Variants in PARP1 observed in about 807,000 individuals in gnomAD.
The protein encoded by PARP1 is poly(ADP-ribose) polymerase 1, also known as poly [ADP-ribose] polymerase 1.
In PARP1, 44 loss-of-function variants were observed where a neutral mutation model predicts 118.7. The observed-to-expected ratio is 0.37, with a 90% CI of 0.29 to 0.48. The LOEUF is 0.48. PARP1 is among the 20% of genes least tolerant of loss of function. PARP1 has a pLI of 0.99. For missense variants in PARP1, 1,100 were observed against 1,272.4 expected (o/e 0.86, Z 2.06); for synonymous variants, 492 against 483.2 (o/e 1.02, Z -0.24).
chr1:226,395,890 C>G (rs1428691292), intron 2 of PARP1, among the ~76,000 whole-genome samples: 1 of 152,138 alleles, frequency 6.6e-6, no homozygotes, highest in Admixed American at 6.5e-5. Context: ...TTCACAGAGA[C>G]AGAAGCAACA....
At chr1:226,368,611 G>A (rs959067501) in intron 15 of PARP1, among the ~76,000 whole-genome samples, 11 of 152,198 alleles carry the variant, frequency 7.2e-5, no homozygotes, top group African/African-American at 2.7e-4. Flanking sequence ...CCACAACTAT[G>A]CAAAATGTTA....
At chr1:226,402,055 C>A in intron 2 of PARP1, 159 bp downstream of exon 2, 2 of 1,551,620 alleles carry the variant, frequency 1.3e-6, no homozygotes, top group Non-Finnish European at 1.7e-6. Flanking sequence ...GATGCTGAGT[C>A]CAGGAGGTGT....
At chr1:226,392,431 G>A in intron 2 of PARP1, 117 bp from the exon 3 acceptor site, 2 of 773,858 alleles carry the variant, frequency 2.6e-6, no homozygotes, top group South Asian at 2.7e-5. Flanking sequence ...TATGCCTTGG[G>A]AGACTACGAT....
rs907987187 is a variant in PARP1 at position 226,362,969 on chromosome 1, G to A, written c.2848+130C>T. 2.7e-5 allele frequency: 20 copies of A among 738,350 alleles called. No individual in the cohort carries two copies. In the Admixed American group the frequency reaches 3.2e-4, roughly 12 times the overall value. The allele number at this position is 738,350 out of a possible 1,614,324, so 45.7% of individuals were successfully genotyped here. ...CAACAACAACGCACACACACCCCTC[G>A]AAAAGATAAAATGAATCTCCAGCTG... On this transcript the variant is annotated intron_variant, in intron 21 of 22. Coordinates refer to ENST00000366794, the MANE Select transcript of PARP1 (RefSeq NM_001618.4).
chr1:226,389,154 G>T (rs926179648), intron 4 of PARP1, among the ~76,000 whole-genome samples: 5 of 152,144 alleles, frequency 3.3e-5, no homozygotes, highest in East Asian at 1.9e-4. Context: ...CCATGGCTAG[G>T]GGGTAGGGAT....
chr1:226,368,975 T>C (rs3219117), intron 15 of PARP1, among the ~76,000 whole-genome samples: 5 of 152,232 alleles, frequency 3.3e-5, no homozygotes, highest in Admixed American at 1.3e-4. Context: ...CAAGGGAATA[T>C]GAAGTGGCAC....
chr1:226,365,742 G>A (rs1171844894), intron 18 of PARP1, among the ~76,000 whole-genome samples: 1 of 151,086 alleles, frequency 6.6e-6, no homozygotes, highest in African/African-American at 2.4e-5. Flanking sequence ...ACTCCAGCCT[G>A]GGTGATAGAG....
At chr1:226,393,644 A>T (rs1664859423) in intron 2 of PARP1, among the ~76,000 whole-genome samples, 1 of 152,226 alleles carries the variant, frequency 6.6e-6, no homozygotes, top group Non-Finnish European at 1.5e-5. Context: ...CTGAAATTCT[A>T]AATCAGGCAA....
chr1:226,365,639 C>T (rs995306924), intron 18 of PARP1, among the ~76,000 whole-genome samples: 6 of 152,018 alleles, frequency 3.9e-5, no homozygotes, highest in South Asian at 2.1e-4. Flanking sequence ...TGGTGGCTCA[C>T]GCCTGTAATC....
At chr1:226,363,223 G>T in intron 20 of PARP1, 63 bp from the exon 21 acceptor site, 1 of 1,074,150 alleles carries the variant, frequency 9.3e-7, no homozygotes, top group South Asian at 1.2e-5. Flanking sequence ...CCAACAGTTT[G>T]ATTAGGAGAA....
intron 15 of PARP1, among the ~76,000 whole-genome samples, chr1:226,368,730 G>A (rs1208579547): frequency 1.3e-5 from 2 of 151,972 alleles, no homozygotes; most frequent in South Asian, 2.1e-4. Context: ...GTTGCCCATC[G>A]CTATAAAATT....
At chr1:226,362,736 G>C (rs1891108) in intron 21 of PARP1, among the ~76,000 whole-genome samples, 1 of 151,622 alleles carries the variant, frequency 6.6e-6, no homozygotes, top group South Asian at 2.1e-4. Context: ...GCCGAAACCC[G>C]TGCATCTGGT....
In PARP1 at chr1:226,383,119, G is replaced by C. The variant is rs1638878278; in HGVS notation, c.1076C>G (p.Pro359Arg). ...GGCCGCCACGGAGGCGCTGGTTTCT[G>C]GGGGGAATATACGGTCCTGTTTTTT... ...KVKKQDRIFP[P>R]ETSASVAATP... The change falls in exon 8 of 23, where the codon CCA becomes CGA. Residue 359 changes from proline to arginine, a missense_variant. By Grantham distance (103) the Pro-to-Arg change is moderately radical (BLOSUM62 -2). This residue lies in a region of PARP1 where 948 missense variants were observed against 1,031.8 expected (regional missense o/e 0.92). Coordinates refer to ENST00000366794, the MANE Select transcript of PARP1 (RefSeq NM_001618.4). 1 of 1,612,298 alleles carries C rather than the reference G, an allele frequency of 6.2e-7. No individual in the cohort carries two copies. The highest frequency in any genetic ancestry group is 8.5e-7 in the Non-Finnish European group (1 of 1,178,936).
Position 226,386,178 on chromosome 1 carries a change from C to T in PARP1, c.834+148G>A, listed in dbSNP as rs150095918. The T allele has an allele frequency of 8.4e-5, 58 of 692,354 alleles. 2 individuals are homozygous for T. In the Admixed American group the frequency reaches 9.9e-4, roughly 12 times the overall value. The allele number at this position is 692,354 out of a possible 1,614,324, so 42.9% of individuals were successfully genotyped here. On this transcript the variant is annotated intron_variant, in intron 6 of 22. Coordinates refer to ENST00000366794, the MANE Select transcript of PARP1 (RefSeq NM_001618.4). ...TGGTGACCACGATGGTGGTGATGAC[C>T]GTGCAACACAACCACGATTTATACT...
chr1:226,372,955 TCA>T (rs1345310763), intron 14 of PARP1, among the ~76,000 whole-genome samples: 3 of 152,116 alleles, frequency 2.0e-5, no homozygotes, highest in Non-Finnish European at 2.9e-5. Context: ...AAAAGTCAGA[TCA>T]CACAGCGATT....
Position 226,382,818 on chromosome 1 carries a change from G to A in PARP1, c.1159+218C>T, listed in dbSNP as rs541006695. ...CAGGTGTGAGTCACTGCTCCCAGCC[G>A]ATGCTATGTTCTTAACACTCTCCCA... On this transcript the variant is annotated intron_variant, in intron 8 of 22. Transcript: ENST00000366794. Among the ~76,000 whole-genome samples the A allele has an allele frequency of 5.9e-5, 9 of 152,296 alleles. No individual in the cohort carries two copies. In the South Asian group the frequency reaches 1.7e-3, roughly 28 times the overall value.
At chr1:226,392,686 T>G (rs1000033) in intron 2 of PARP1, 104,560 of 535,676 alleles carry the variant, frequency 0.2, 11,730 homozygotes, top group African/African-American at 0.37. Flanking sequence ...GCTTCTAATT[T>G]CCATTATACT....
chr1:226,369,158 T>C (rs2102729429), intron 15 of PARP1, among the ~76,000 whole-genome samples: 1 of 152,356 alleles, frequency 6.6e-6, no homozygotes, highest in East Asian at 1.9e-4. Context: ...GAAAGCCTTG[T>C]AAGTTCTCAG....
intron 6 of PARP1, 22 bp downstream of exon 6, chr1:226,386,304 A>G: frequency 6.8e-7 from 1 of 1,461,998 alleles, no homozygotes; most frequent in Non-Finnish European, 9.6e-7. Context: ...TGCGTGTCCC[A>G]CTTAACACAA....
Sources: gnomAD v4.1 joint callset for allele counts (sites outside exome capture counted in the v4.1 genomes callset) on GRCh38, gnomAD v4.1.1 for gene constraint, gnomAD v4.1.1 regional missense constraint, MANE v1.5 for transcripts, NCBI Gene and HGNC (gene_info 2026-07-23, HGNC 2026-07-21) for gene names.